Variants in CROCC observed in about 807,000 individuals in gnomAD.
CROCC encodes ciliary rootlet coiled-coil, rootletin.
Under a neutral mutation model 245.2 loss-of-function variants are expected in CROCC, and 180 were observed. The ratio of observed to expected loss-of-function variants is 0.73; its 90% confidence interval spans 0.65 to 0.83. The LOEUF (loss-of-function observed/expected upper bound fraction) is 0.83, where lower values mean the gene tolerates loss of function less well. Among genes scored for constraint, CROCC ranks in the 40% least tolerant of loss-of-function variants. The pLI, the probability that CROCC is intolerant of heterozygous loss-of-function variation, is 0.00. For synonymous variants in CROCC, 1,205 were observed against 1,241.6 expected (o/e 0.97, Z 0.62); for missense variants, 2,688 against 2,779.4 (o/e 0.97, Z 0.74).
upstream of CROCC, among the ~76,000 whole-genome samples, chr1:16,920,148 G>A (rs1305244361): frequency 1.8e-4 from 28 of 152,218 alleles, no homozygotes; most frequent in African/African-American, 6.0e-4. Context: ...GCATGATCTC[G>A]CCTCACTGCA....
chr1:16,955,910 C>T lies in CROCC; in HGVS notation c.3705-87C>T, dbSNP rs2076243113. ...ACATGGGCAGGCAGTGCCTGATCCA[C>T]TCCAGAAATTGGAGGAGACGGCTTT... On this transcript the variant is annotated intron_variant, in intron 24 of 36. Coordinates refer to ENST00000375541, the MANE Select transcript of CROCC (RefSeq NM_014675.5). 4 of 1,491,030 alleles carry T rather than the reference C, an allele frequency of 2.7e-6. No individual in the cohort carries two copies. The East Asian group carries it at 9.9e-5, about 37-fold the overall frequency. 92.4% of individuals were successfully genotyped at this position (1,491,030 alleles called of 1,614,324 possible).
chr1:16,934,557 C>T (rs536309463), intron 8 of CROCC, among the ~76,000 whole-genome samples: 1 of 152,252 alleles, frequency 6.6e-6, no homozygotes, highest in Non-Finnish European at 1.5e-5. Context: ...CCTGCCTTGG[C>T]CTCCGAAAGT....
At chr1:16,931,816 G>C (rs1334850737) in intron 8 of CROCC, among the ~76,000 whole-genome samples, 1 of 152,224 alleles carries the variant, frequency 6.6e-6, no homozygotes, top group African/African-American at 2.4e-5. Flanking sequence ...GAGTGAGGTG[G>C]CACGATCTTG....
rs2076283572 is a variant in CROCC, at chr1:16,958,647, T to G, written c.3929T>G (p.Leu1310Arg). 1 of 1,555,932 alleles carries G rather than the reference T, an allele frequency of 6.4e-7. No homozygotes were observed. The highest frequency in any genetic ancestry group is 1.4e-5 in the African/African-American group (1 of 73,524). ...GRELAELQGR[L>R]ALGERAEKES... Reference sequence around the variant, plus strand: ...GAGCTGGCGGAGCTGCAGGGCCGCCTGGCGCTGGGCGAGCGGGCAGAGAAG... The same window carrying G: ...GAGCTGGCGGAGCTGCAGGGCCGCCGGGCGCTGGGCGAGCGGGCAGAGAAG... Residue 1310 changes from leucine (L) to arginine (R), a missense_variant, in exon 26 of 37, where the codon CTG becomes CGG. Leu to Arg is a moderately radical substitution (Grantham distance 102). Transcript: ENST00000375541.
At chr1:16,914,395 C>T (rs1297386975) in intron 1 of CROCC, among the ~76,000 whole-genome samples, 2 of 152,366 alleles carry the variant, frequency 1.3e-5, no homozygotes, top group East Asian at 3.9e-4. Context: ...GCCTGCAGGG[C>T]GCAGCCGTCC....
Position 16,968,429 on chromosome 1 carries a change from C to A in CROCC, c.5076+11C>A. On this transcript the variant is annotated intron_variant, in intron 31 of 36. Transcript: ENST00000375541. ...TCCCTGCAGAGACAGGTGGGCCCCT[C>A]CCCAAATCACAGCCACAGTGTTCAC... 6.8e-7 allele frequency: 1 copy of A among 1,467,318 alleles called. No homozygotes were observed. Among genetic ancestry groups the A allele is most frequent in the South Asian group, 1.4e-5 (1 of 70,272 alleles). 90.9% of individuals were successfully genotyped at this position (1,467,318 alleles called of 1,614,324 possible).
intron 3 of CROCC, among the ~76,000 whole-genome samples, chr1:16,926,503 C>T (rs149436958): frequency 2.0e-5 from 3 of 152,212 alleles, no homozygotes; most frequent in Non-Finnish European, 4.4e-5. Context: ...GGGCAGTCAG[C>T]GAGATTGTTC....
intron 26 of CROCC, among the ~76,000 whole-genome samples, chr1:16,959,168 G>C (rs1224306472): frequency 6.6e-6 from 1 of 152,110 alleles, no homozygotes; most frequent in Non-Finnish European, 1.5e-5. Flanking sequence ...GATTACAGGT[G>C]CTTGCCACCA....
At chr1:16,970,812 G>A (rs1276372695) in intron 35 of CROCC, 45 bp downstream of exon 35, 1 of 1,514,378 alleles carries the variant, frequency 6.6e-7, no homozygotes. Flanking sequence ...TCCCTAGTAT[G>A]AGTGCTCAGC....
rs1433167359 is a variant in CROCC at position 16,929,770 on chromosome 1, C to A, written c.352-76C>A. ...CAAGGCATTGTGGGTCTGGGCCCAG[C>A]CTGCCACGCCCTACAGAAGCCTGAG... is the stretch of plus-strand genomic sequence containing the variant. On this transcript the variant is annotated intron_variant, in intron 3 of 36. Transcript: ENST00000375541. The A allele has an allele frequency of 2.3e-5, 34 of 1,447,460 alleles. No homozygotes were observed. In the African/African-American group the frequency reaches 4.7e-4, roughly 20 times the overall value. The allele number at this position is 1,447,460 out of a possible 1,614,324, so 89.7% of individuals were successfully genotyped here. A position where few individuals can be genotyped will look rare whatever the true frequency, so the allele number is the denominator to read the frequency against.
intron 34 of CROCC, 82 bp downstream of exon 34, chr1:16,970,535 T>C (rs938040551): frequency 4.7e-5 from 70 of 1,476,424 alleles, no homozygotes; most frequent in Non-Finnish European, 6.0e-5. Flanking sequence ...CAGGGTCTGC[T>C]ACCTCTGGTG....
chr1:16,933,232 G>A (rs868447570), intron 8 of CROCC, among the ~76,000 whole-genome samples: 11 of 152,384 alleles, frequency 7.2e-5, no homozygotes, highest in African/African-American at 1.4e-4. Context: ...TCAGGAGGCC[G>A]AGGCGGGCGG....
At chr1:16,933,575 C>CT (rs371462394) in intron 8 of CROCC, among the ~76,000 whole-genome samples, 8 of 151,682 alleles carry the variant, frequency 5.3e-5, no homozygotes, top group East Asian at 1.9e-4. Context: ...TCTTTTTTTT[C>CT]TTTTTTTTTG....
At chr1:16,918,203 G>A (rs539484288), upstream of CROCC, among the ~76,000 whole-genome samples, 4 of 150,348 alleles carry the variant, frequency 2.7e-5, no homozygotes, top group Non-Finnish European at 5.9e-5. Context: ...ACTGGTGCAG[G>A]GTCACACAGC....
intron 10 of CROCC, among the ~76,000 whole-genome samples, chr1:16,938,061 G>A (rs1326961698): frequency 6.6e-6 from 1 of 152,278 alleles, no homozygotes; most frequent in Non-Finnish European, 1.5e-5. Flanking sequence ...TCCAGATGCG[G>A]CCTCTGGCAA....
intron 10 of CROCC, 39 bp downstream of exon 10, chr1:16,937,776 T>A (rs1553154096): frequency 6.5e-7 from 1 of 1,542,242 alleles, no homozygotes; most frequent in Non-Finnish European, 8.9e-7. Context: ...CAGGGTGAGA[T>A]GGGGTACCGG....
intron 27 of CROCC, among the ~76,000 whole-genome samples, chr1:16,963,816 G>A (rs1215992538): frequency 6.6e-6 from 1 of 150,994 alleles, no homozygotes; most frequent in Non-Finnish European, 1.5e-5. Context: ...TTTTTTTTGA[G>A]CCCAAGTCTC....
intron 13 of CROCC, 33 bp downstream of exon 13, chr1:16,940,126 A>G: frequency 3.8e-6 from 6 of 1,566,120 alleles, no homozygotes; most frequent in Non-Finnish European, 4.3e-6. Flanking sequence ...GGGGTACTGA[A>G]GAATAAGTCA....
intron 2 of CROCC, among the ~76,000 whole-genome samples, chr1:16,923,590 C>T (rs1281317768): frequency 6.6e-6 from 1 of 152,240 alleles, no homozygotes; most frequent in Non-Finnish European, 1.5e-5. Flanking sequence ...TCTCCTGAGC[C>T]CTAGCCTTTA....
Sources: allele counts gnomAD v4.1 joint callset (sites outside exome capture counted in the v4.1 genomes callset), GRCh38; gene constraint gnomAD v4.1.1; transcripts MANE v1.5; gene names NCBI Gene and HGNC (gene_info 2026-07-23, HGNC 2026-07-21).